Variants in BRD7 observed in about 807,000 individuals in gnomAD.
The protein encoded by BRD7 is bromodomain-containing protein 7.
In BRD7, 15 loss-of-function variants were observed where a neutral mutation model predicts 82.1. That is an observed-to-expected ratio of 0.18 (90% confidence interval 0.12 to 0.28). BRD7 has a LOEUF of 0.28. Among genes scored for constraint, BRD7 ranks in the 10% least tolerant of loss-of-function variants. The pLI is 1.00. For synonymous variants in BRD7, 232 were observed against 266.9 expected, an observed-to-expected ratio of 0.87 and a Z score of 1.27; for missense variants, 638 against 779.9, an observed-to-expected ratio of 0.82 and a Z score of 2.17.
In BRD7 at chr16:50,323,605, G is replaced by A. The variant is rs751503597; in HGVS notation, c.1425C>T (p.Thr475=). The A allele has an allele frequency of 5.0e-6, 8 of 1,611,736 alleles. No individual in the cohort carries two copies. The highest frequency in any genetic ancestry group is 1.3e-5 in the African/African-American group (1 of 74,798). Residue 475 remains threonine (T), a synonymous_variant, in exon 12 of 17, where the codon ACC becomes ACT. Coordinates refer to ENST00000394688, the MANE Select transcript of BRD7 (RefSeq NM_013263.5). ...DVLTKGGHSR[T]LQEMEMSLPE... ...TTCTTACCATCTCCATCTCTTGTAG[G>A]GTCCTGGAATGCCCTCCTTTTGTTA...
At position 50,339,882 on chromosome 16, in the gene BRD7, AAAATC is replaced by A. The variant is rs1463830794; in HGVS notation, c.702+89_702+93del. 13 of 582,998 alleles carry A rather than the reference AAAATC, an allele frequency of 2.2e-5. No homozygotes were observed. In the South Asian group the frequency reaches 3.1e-4, roughly 14 times the overall value. 36.1% of individuals were successfully genotyped at this position (582,998 alleles called of 1,614,324 possible). On this transcript the variant is annotated intron_variant, in intron 6 of 16. Transcript: ENST00000394688. Reference sequence around the variant, plus strand: ...ATATAATATAACCTGCTAATAAAATAAAATCAATACTGTATTGTATCTGTATTACT... The same window carrying A: ...ATATAATATAACCTGCTAATAAAATAAATACTGTATTGTATCTGTATTACT...
chr16:50,323,168 T>C (rs1249898314), intron 12 of BRD7, among the ~76,000 whole-genome samples: 2 of 152,188 alleles, frequency 1.3e-5, no homozygotes, highest in Non-Finnish European at 2.9e-5. Flanking sequence ...GTTAATAAAA[T>C]AGCAATGAGG....
rs754317764 is a variant in BRD7 at position 50,320,699 on chromosome 16, T to C, written c.1576A>G (p.Asn526Asp). Residue 526 changes from asparagine to aspartate, a missense_variant, in exon 14 of 17, where the codon AAT (asparagine) becomes GAT (aspartate). By Grantham distance (23) the Asn-to-Asp change is conservative (BLOSUM62 1). This residue lies in a region of BRD7 where 402 missense variants were observed against 500.8 expected (regional missense o/e 0.80). Coordinates refer to ENST00000394688, the MANE Select transcript of BRD7 (RefSeq NM_013263.5). ...DRLIALKAVTNFGVPVEVFDS... is the reference protein window; with the variant it reads ...DRLIALKAVTDFGVPVEVFDS... Reference sequence around the variant, plus strand: ...AAAACTTCAACTGGAACGCCAAAATTTGTTACTGCTTTCAGCGCTATGAGC... The same window carrying C: ...AAAACTTCAACTGGAACGCCAAAATCTGTTACTGCTTTCAGCGCTATGAGC... 15 of 1,614,030 alleles carry C rather than the reference T, an allele frequency of 9.3e-6. No individual in the cohort carries two copies. The South Asian group carries it at 1.5e-4, about 17-fold the overall frequency.
At chr16:50,350,504 A>C (rs748736640) in intron 4 of BRD7, among the ~76,000 whole-genome samples, 2 of 152,234 alleles carry the variant, frequency 1.3e-5, no homozygotes, top group South Asian at 2.1e-4. Flanking sequence ...TTAGCACTGC[A>C]TATTTTTAAC....
At chr16:50,324,412 C>G (rs1015801967) in intron 11 of BRD7, among the ~76,000 whole-genome samples, 1 of 152,140 alleles carries the variant, frequency 6.6e-6, no homozygotes, top group African/African-American at 2.4e-5. Context: ...TAATCTGGAC[C>G]GGGTCACTCT....
chr16:50,348,772 G>A (rs2038392833), intron 5 of BRD7, among the ~76,000 whole-genome samples: 1 of 152,210 alleles, frequency 6.6e-6, no homozygotes, highest in South Asian at 2.1e-4. Flanking sequence ...TGCTGGAAAG[G>A]ATGTGGAGAA....
intron 5 of BRD7, among the ~76,000 whole-genome samples, chr16:50,341,408 A>G (rs746997894): frequency 4.7e-5 from 7 of 149,872 alleles, no homozygotes; most frequent in African/African-American, 7.5e-5. Flanking sequence ...TGGGAGGCCG[A>G]GGCAGGTGGA....
chr16:50,325,476 T>C (rs1049614321), intron 11 of BRD7, among the ~76,000 whole-genome samples: 9 of 152,164 alleles, frequency 5.9e-5, no homozygotes, highest in Non-Finnish European at 1.2e-4. Context: ...AAGTAACAAG[T>C]TCCTACACTT....
At chr16:50,338,487 A>T (rs556243194) in intron 6 of BRD7, among the ~76,000 whole-genome samples, 1 of 152,360 alleles carries the variant, frequency 6.6e-6, no homozygotes, top group Admixed American at 6.5e-5. Flanking sequence ...CAGAAAAATG[A>T]ATCACCATAA....
chr16:50,337,435 T>A (rs2037855118), intron 6 of BRD7, among the ~76,000 whole-genome samples: 1 of 151,920 alleles, frequency 6.6e-6, no homozygotes, highest in South Asian at 2.1e-4. Context: ...TAATTTTGTA[T>A]TTTTAGTAGA....
At chr16:50,320,226 T>A (rs369956085) in intron 15 of BRD7, 22 bp downstream of exon 15, 1 of 1,603,674 alleles carries the variant, frequency 6.2e-7, no homozygotes, top group Non-Finnish European at 8.5e-7. Context: ...GTGACTCTCC[T>A]CTTATGGGAG....
intron 8 of BRD7, among the ~76,000 whole-genome samples, chr16:50,329,861 T>C (rs1313054044): frequency 6.6e-6 from 1 of 152,192 alleles, no homozygotes; most frequent in Admixed American, 6.5e-5. Context: ...AAACTGCTAT[T>C]TGGGCTATAC....
intron 4 of BRD7, among the ~76,000 whole-genome samples, chr16:50,351,718 T>G (rs1023313178): frequency 2.0e-5 from 3 of 152,248 alleles, no homozygotes; most frequent in Non-Finnish European, 4.4e-5. Flanking sequence ...GTTTTTTCAT[T>G]AAGACTTTGT....
intron 5 of BRD7, among the ~76,000 whole-genome samples, chr16:50,345,410 A>G (rs891981330): frequency 6.6e-5 from 10 of 152,284 alleles, no homozygotes; most frequent in African/African-American, 2.4e-4. Flanking sequence ...TCAAATTCAC[A>G]CATAACAATA....
intron 2 of BRD7, among the ~76,000 whole-genome samples, chr16:50,363,532 T>C (rs1366310947): frequency 6.6e-6 from 1 of 152,248 alleles, no homozygotes; most frequent in Non-Finnish European, 1.5e-5. Flanking sequence ...CTGCTGATCC[T>C]ACCCGTTGGG....
At chr16:50,329,971 C>T (rs890142929) in intron 8 of BRD7, among the ~76,000 whole-genome samples, 1 of 152,262 alleles carries the variant, frequency 6.6e-6, no homozygotes. Flanking sequence ...TTCCTCTTGC[C>T]ACCCTCGATA....
At chr16:50,333,935 G>A (rs377108194) in intron 7 of BRD7, among the ~76,000 whole-genome samples, 6 of 152,198 alleles carry the variant, frequency 3.9e-5, no homozygotes, top group African/African-American at 9.6e-5. Flanking sequence ...TGTGTTAAAC[G>A]TTTTTCTGGG....
chr16:50,328,992 T>C (rs558382123), intron 8 of BRD7, among the ~76,000 whole-genome samples: 2 of 152,198 alleles, frequency 1.3e-5, no homozygotes, highest in Non-Finnish European at 2.9e-5. Context: ...ACCCGTCACA[T>C]GAGGTCAGGT....
rs2037438016 is a variant in BRD7 at position 50,328,660 on chromosome 16, T to C, written c.1087+9A>G. On this transcript the variant is annotated intron_variant, in intron 9 of 16. Transcript: ENST00000394688. ...ATCAAGTTCATGCACAGTTTTACTC[T>C]GATCCTACCTCCTACAATGGGATCC... is the stretch of plus-strand genomic sequence containing the variant. 5 of 1,611,080 alleles carry C rather than the reference T, an allele frequency of 3.1e-6. No individual in the cohort carries two copies. The South Asian group carries it at 5.5e-5, about 18-fold the overall frequency.
Sources: allele counts gnomAD v4.1 joint callset (sites outside exome capture counted in the v4.1 genomes callset), GRCh38; gene constraint gnomAD v4.1.1; regional missense constraint gnomAD v4.1.1; transcripts MANE v1.5; gene names NCBI Gene and HGNC (gene_info 2026-07-23, HGNC 2026-07-21).